Variants in COL23A1 observed in about 807,000 individuals in gnomAD.
The protein encoded by COL23A1 is collagen type XXIII alpha 1 chain.
Under a neutral mutation model 99.3 loss-of-function variants are expected in COL23A1, and 97 were observed. The observed-to-expected ratio is 0.98, with a 90% CI of 0.83 to 1.16. The LOEUF (loss-of-function observed/expected upper bound fraction) is 1.16, where lower values mean the gene tolerates loss of function less well. Among genes scored for constraint, COL23A1 ranks in the 50% most tolerant of loss-of-function variants. COL23A1 has a pLI of 0.00. For missense variants in COL23A1, 762 were observed against 757.4 expected, an observed-to-expected ratio of 1.01 and a Z score of -0.07; for synonymous variants, 320 against 308.2, an observed-to-expected ratio of 1.04 and a Z score of -0.40.
At chr5:178,248,974 TAG>T in intron 19 of COL23A1, 141 bp downstream of exon 19, 1 of 769,302 alleles carries the variant, frequency 1.3e-6, no homozygotes, top group Non-Finnish European at 2.2e-6. Context: ...GCCCAGAGCC[TAG>T]AGTGTCCCCG....
chr5:178,263,108 G>T, intron 9 of COL23A1, 100 bp downstream of exon 9: 1 of 866,016 alleles, frequency 1.2e-6, no homozygotes, highest in African/African-American at 1.6e-5. Context: ...ATAGTGTGGG[G>T]TCTGCACTAG....
chr5:178,323,348 C>G (rs1427036655), intron 2 of COL23A1, among the ~76,000 whole-genome samples: 3 of 152,152 alleles, frequency 2.0e-5, no homozygotes, highest in Non-Finnish European at 4.4e-5. Flanking sequence ...GATCTCCCTG[C>G]TCTGATCCCC....
chr5:178,408,015 G>A (rs936506414), intron 2 of COL23A1, among the ~76,000 whole-genome samples: 2 of 152,088 alleles, frequency 1.3e-5, no homozygotes, highest in Admixed American at 6.5e-5. Flanking sequence ...GAAAGAAACC[G>A]AAGATTTCTA....
intron 16 of COL23A1, among the ~76,000 whole-genome samples, chr5:178,254,335 C>T (rs914117934): frequency 6.6e-6 from 1 of 152,312 alleles, no homozygotes. Flanking sequence ...ACAGTTACTG[C>T]CAACTTGTAC....
chr5:178,426,481 G>A (rs998209437), intron 2 of COL23A1, among the ~76,000 whole-genome samples: 5 of 152,194 alleles, frequency 3.3e-5, no homozygotes, highest in Admixed American at 6.5e-5. Context: ...TCCCACTGCC[G>A]GACACAGACC....
chr5:178,590,185 C>G lies in COL23A1; in HGVS notation c.13G>C (p.Glu5Gln). The change falls in exon 1 of 29, where the codon GAG (glutamate) becomes CAG (glutamine). Residue 5 changes from glutamate to glutamine, a missense_variant. By Grantham distance (29) the Glu-to-Gln change is conservative. Transcript: ENST00000390654. The surrounding 1 kb of genome is among the most constrained non-coding windows in gnomAD (Gnocchi z 5.7). ...GCGTCGCCGCCGCCACCGGCGCGCTCGCCTGGGCCCATGGCGCGTTCGTCG... is the reference window on the plus strand; with the variant it reads ...GCGTCGCCGCCGCCACCGGCGCGCTGGCCTGGGCCCATGGCGCGTTCGTCG... MGPG[E>Q]RAGGGGDAGK... 8.2e-7 allele frequency: 1 copy of G among 1,216,370 alleles called. No individual in the cohort carries two copies. Among genetic ancestry groups the G allele is most frequent in the Non-Finnish European group, 1.0e-6 (1 of 981,188 alleles). The allele number at this position is 1,216,370 out of a possible 1,614,324, so 75.3% of individuals were successfully genotyped here. A position where few individuals can be genotyped will look rare whatever the true frequency, so the allele number is the denominator to read the frequency against.
chr5:178,271,464 A>G (rs946908326), intron 5 of COL23A1, among the ~76,000 whole-genome samples: 4 of 152,138 alleles, frequency 2.6e-5, no homozygotes, highest in African/African-American at 7.2e-5. Context: ...TCCTTCCCAG[A>G]GTCAGGCCAT....
intron 1 of COL23A1, among the ~76,000 whole-genome samples, chr5:178,573,269 G>A (rs1174509613): frequency 6.6e-6 from 1 of 152,244 alleles, no homozygotes; most frequent in East Asian, 1.9e-4. Flanking sequence ...CAGACTTGGT[G>A]GGTGGTAGAG....
chr5:178,580,939 C>T (rs1763630549), intron 1 of COL23A1, among the ~76,000 whole-genome samples: 1 of 151,958 alleles, frequency 6.6e-6, no homozygotes, highest in African/African-American at 2.4e-5. Context: ...AGTCCAGGAG[C>T]GGAGGCTGCA....
chr5:178,344,811 A>C, intron 2 of COL23A1: 1 of 609,802 alleles, frequency 1.6e-6, no homozygotes, highest in Admixed American at 2.2e-5. Context: ...TGTTAAGATC[A>C]CTGTAGCTCA....
chr5:178,251,533 T>G (rs1765030224), intron 17 of COL23A1, among the ~76,000 whole-genome samples: 1 of 152,154 alleles, frequency 6.6e-6, no homozygotes, highest in African/African-American at 2.4e-5. Context: ...TTATCAAGGT[T>G]TGTAGGATGC....
intron 2 of COL23A1, among the ~76,000 whole-genome samples, chr5:178,518,124 T>C (rs1256959687): frequency 1.5e-5 from 2 of 135,130 alleles, no homozygotes; most frequent in Non-Finnish European, 3.1e-5. Context: ...CCTTCAAGCA[T>C]CTGTTTAACA....
chr5:178,533,359 C>T (rs898269251), intron 2 of COL23A1, among the ~76,000 whole-genome samples: 8 of 152,142 alleles, frequency 5.3e-5, no homozygotes, highest in Admixed American at 1.3e-4. Flanking sequence ...TCCCTCAGCC[C>T]GTGGCAACCG....
At chr5:178,419,625 T>A (rs1472591812) in intron 2 of COL23A1, among the ~76,000 whole-genome samples, 2 of 151,984 alleles carry the variant, frequency 1.3e-5, no homozygotes, top group Non-Finnish European at 2.9e-5. Context: ...GCGTGTGGGG[T>A]TTCCTCCTCT....
intron 2 of COL23A1, among the ~76,000 whole-genome samples, chr5:178,556,270 G>C (rs895740392): frequency 8.5e-5 from 13 of 152,068 alleles, no homozygotes; most frequent in African/African-American, 2.9e-4. Context: ...AAAACAATGC[G>C]GGATAACTGT....
At chr5:178,270,439 C>T in intron 5 of COL23A1, 76 bp from the exon 6 acceptor site, 1 of 1,557,432 alleles carries the variant, frequency 6.4e-7, no homozygotes, top group African/African-American at 1.4e-5. Flanking sequence ...CCCAGGTGCA[C>T]TATTCAGTGA....
chr5:178,322,571 G>C (rs1316921601), intron 2 of COL23A1, among the ~76,000 whole-genome samples: 4 of 134,446 alleles, frequency 3.0e-5, no homozygotes, highest in African/African-American at 1.2e-4. Flanking sequence ...GCTCCTGCCT[G>C]GGGGCTGCCA....
intron 2 of COL23A1, among the ~76,000 whole-genome samples, chr5:178,330,662 A>G (rs1054973949): frequency 4.6e-5 from 7 of 151,656 alleles, no homozygotes; most frequent in African/African-American, 1.7e-4. Context: ...TCAAGAAAAA[A>G]AAAAAAAAAG....
intron 2 of COL23A1, among the ~76,000 whole-genome samples, chr5:178,483,877 G>A (rs932964260): frequency 4.6e-5 from 7 of 152,134 alleles, no homozygotes; most frequent in African/African-American, 1.7e-4. Context: ...TCAGCAACGC[G>A]CACTTGCTTC....
Sources: gnomAD v4.1 joint callset for allele counts (sites outside exome capture counted in the v4.1 genomes callset) on GRCh38, gnomAD v4.1.1 for gene constraint, Gnocchi (gnomAD v3.1) non-coding constraint, MANE v1.5 for transcripts, NCBI Gene and HGNC (gene_info 2026-07-23, HGNC 2026-07-21) for gene names.